ZFPM2: variants seen among roughly 807,000 people sequenced by gnomAD.
ZFPM2 encodes the protein zinc finger protein, FOG family member 2.
Under a neutral mutation model 98.6 loss-of-function variants are expected in ZFPM2, and 20 were observed. The ratio of observed to expected loss-of-function variants is 0.20; its 90% CI spans 0.14 to 0.29. The LOEUF is 0.29. ZFPM2 is among the 10% of genes least tolerant of loss of function. ZFPM2 has a pLI of 1.00. For synonymous variants in ZFPM2, 518 were observed against 502.7 expected, an observed-to-expected ratio of 1.03 and a Z score of -0.41; for missense variants, 1,310 against 1,388.6, an observed-to-expected ratio of 0.94 and a Z score of 0.90.
At chr8:105,769,217 C>T (rs1812929162) in intron 5 of ZFPM2, among the ~76,000 whole-genome samples, 2 of 151,878 alleles carry the variant, frequency 1.3e-5, no homozygotes, top group Admixed American at 1.3e-4. Context: ...TATGAAACAC[C>T]CATTATCTTA....
rs374925830 is a variant in ZFPM2, at chr8:105,626,600, G to A, written c.421-7646G>A. ...ACAATTCCTAAGGGCAAGGAAATGT[G>A]TGTGCGTGTGTGTGTATGTGTATGT... On this transcript the variant is annotated intron_variant, in intron 4 of 7. Transcript: ENST00000407775. Among the ~76,000 whole-genome samples the A allele has an allele frequency of 5.9e-5, 9 of 152,232 alleles. No individual in the cohort carries two copies. The East Asian group carries it at 1.7e-3, about 29-fold the overall frequency.
chr8:105,557,565 T>G (rs1177616038), intron 3 of ZFPM2, among the ~76,000 whole-genome samples: 1 of 152,214 alleles, frequency 6.6e-6, no homozygotes, highest in Non-Finnish European at 1.5e-5. Flanking sequence ...GAACAATCAC[T>G]AAGTTCTATG....
At chr8:105,469,877 G>A (rs6983550) in intron 3 of ZFPM2, among the ~76,000 whole-genome samples, 97,004 of 152,030 alleles carry the variant, frequency 0.64, 31,000 homozygotes, top group East Asian at 0.78. Flanking sequence ...GAATGAACTC[G>A]TTCATATAAA....
chr8:105,764,709 G>T (rs1460853591), intron 5 of ZFPM2, among the ~76,000 whole-genome samples: 1 of 151,318 alleles, frequency 6.6e-6, no homozygotes, highest in African/African-American at 2.4e-5. Context: ...ATGGTTCATT[G>T]CTATACTTGA....
At chr8:105,448,589 C>T (rs1349850624) in intron 3 of ZFPM2, among the ~76,000 whole-genome samples, 1 of 151,886 alleles carries the variant, frequency 6.6e-6, no homozygotes, top group Non-Finnish European at 1.5e-5. Context: ...GTCACTGATG[C>T]AATAATTAAG....
intron 3 of ZFPM2, among the ~76,000 whole-genome samples, chr8:105,510,922 AC>A (rs1813805102): frequency 6.6e-6 from 1 of 152,164 alleles, no homozygotes; most frequent in Non-Finnish European, 1.5e-5. Flanking sequence ...TAGAAATTTT[AC>A]CCTTTTCTTC....
chr8:105,648,326 G>A (rs867160956), intron 5 of ZFPM2, among the ~76,000 whole-genome samples: 1 of 152,132 alleles, frequency 6.6e-6, no homozygotes, highest in South Asian at 2.1e-4. Flanking sequence ...CATTCTGTAG[G>A]TTGCCTGTTC....
At chr8:105,631,535 C>T (rs1011697932) in intron 4 of ZFPM2, among the ~76,000 whole-genome samples, 1 of 152,094 alleles carries the variant, frequency 6.6e-6, no homozygotes. Flanking sequence ...CTTTAAAATC[C>T]TGCCCGAATG....
At chr8:105,765,996 C>T (rs1241378322) in intron 5 of ZFPM2, among the ~76,000 whole-genome samples, 2 of 151,874 alleles carry the variant, frequency 1.3e-5, no homozygotes, top group Non-Finnish European at 2.9e-5. Context: ...GCTGGTTAAA[C>T]TGAATGTGAA....
At chr8:105,674,077 G>A (rs1363814403) in intron 5 of ZFPM2, among the ~76,000 whole-genome samples, 4 of 152,182 alleles carry the variant, frequency 2.6e-5, no homozygotes, top group African/African-American at 9.6e-5. Context: ...AAAGCCATCA[G>A]ATCAATAAAA....
intron 5 of ZFPM2, among the ~76,000 whole-genome samples, chr8:105,748,358 ATTGAGGCTG>A (rs1339594990): frequency 6.6e-6 from 1 of 152,104 alleles, no homozygotes; most frequent in Non-Finnish European, 1.5e-5. Context: ...GAGAATACAT[ATTGAGGCTG>A]TTAATTAAAT....
At chr8:105,652,802 T>G (rs1455729144) in intron 5 of ZFPM2, among the ~76,000 whole-genome samples, 1 of 152,206 alleles carries the variant, frequency 6.6e-6, no homozygotes, top group African/African-American at 2.4e-5. Flanking sequence ...TATATTACAT[T>G]TCTGTTCACC....
chr8:105,786,606 TG>T lies in ZFPM2; in HGVS notation c.533-2109del, dbSNP rs1813422846. Among the ~76,000 whole-genome samples, 5 of 152,342 alleles carry T rather than the reference TG, an allele frequency of 3.3e-5. No individual in the cohort carries two copies. The South Asian group carries it at 1.0e-3, about 32-fold the overall frequency. On this transcript the variant is annotated intron_variant, in intron 5 of 7. Coordinates refer to ENST00000407775, the MANE Select transcript of ZFPM2 (RefSeq NM_012082.4). ...AAAGATAATAAATGTGAAACATTAT[TG>T]GGTACATCTGAAAACAAATATATAT...
At chr8:105,588,822 G>A (rs1815781914) in intron 4 of ZFPM2, among the ~76,000 whole-genome samples, 1 of 152,168 alleles carries the variant, frequency 6.6e-6, no homozygotes, top group South Asian at 2.1e-4. Flanking sequence ...TAAATTCTTA[G>A]AGTAAGGATG....
At chr8:105,469,881 A>G (rs1242066159) in intron 3 of ZFPM2, among the ~76,000 whole-genome samples, 1 of 152,200 alleles carries the variant, frequency 6.6e-6, no homozygotes, top group Non-Finnish European at 1.5e-5. Context: ...GAACTCGTTC[A>G]TATAAAGGGC....
chr8:105,588,520 G>C (rs925220145), intron 4 of ZFPM2, among the ~76,000 whole-genome samples: 1 of 151,906 alleles, frequency 6.6e-6, no homozygotes, highest in African/African-American at 2.4e-5. Context: ...CGTTACATAA[G>C]ATTCTTCCCA....
At chr8:105,395,625 C>A (rs554850789) in intron 1 of ZFPM2, among the ~76,000 whole-genome samples, 2 of 152,300 alleles carry the variant, frequency 1.3e-5, no homozygotes, top group East Asian at 3.9e-4. Flanking sequence ...TATTTCCCCC[C>A]ATACAATGGT....
intron 5 of ZFPM2, among the ~76,000 whole-genome samples, chr8:105,714,354 G>A (rs1811469618): frequency 1.3e-5 from 2 of 151,914 alleles, no homozygotes; most frequent in Admixed American, 6.6e-5. Flanking sequence ...ATCAGATGTA[G>A]GAACCTTTTG....
intron 3 of ZFPM2, among the ~76,000 whole-genome samples, chr8:105,477,551 A>G (rs1813037286): frequency 1.3e-5 from 2 of 151,422 alleles, no homozygotes; most frequent in Non-Finnish European, 2.9e-5. Flanking sequence ...CATGATATCA[A>G]TCATATGGGC....
Sources: allele counts gnomAD v4.1 joint callset (sites outside exome capture counted in the v4.1 genomes callset), GRCh38; gene constraint gnomAD v4.1.1; transcripts MANE v1.5; gene names NCBI Gene and HGNC (gene_info 2026-07-23, HGNC 2026-07-21).